DOK5: variants seen among roughly 807,000 people sequenced by gnomAD.
DOK5 encodes docking protein 5, also known as downstream of tyrosine kinase 5.
A neutral mutation model predicts 43.3 loss-of-function variants in DOK5; 27 were observed. The observed-to-expected ratio is 0.62, with a 90% CI of 0.46 to 0.86. The LOEUF is 0.86. Ranked by LOEUF, DOK5 falls within the 40% of genes least tolerant of loss-of-function variation. The pLI, the probability that DOK5 is intolerant of heterozygous loss-of-function variation, is 0.00. For synonymous variants in DOK5, 146 were observed against 140.1 expected (o/e 1.04, Z -0.30); for missense variants, 373 against 392.9 (o/e 0.95, Z 0.43).
intron 1 of DOK5, among the ~76,000 whole-genome samples, chr20:54,481,101 CTATCATCT>C (rs1448300363): frequency 1.4e-5 from 2 of 146,378 alleles, no homozygotes; most frequent in African/African-American, 5.2e-5. Context: ...ATCTATCTAT[CTATCATCT>C]ATCTATCTAT....
intron 5 of DOK5, among the ~76,000 whole-genome samples, chr20:54,595,294 C>T (rs975600522): frequency 1.3e-5 from 2 of 151,924 alleles, no homozygotes; most frequent in African/African-American, 4.8e-5. Context: ...GAGCTGAGAT[C>T]CTGCCACTGC....
chr20:54,573,827 T>G (rs1985371680), intron 2 of DOK5, among the ~76,000 whole-genome samples: 1 of 152,032 alleles, frequency 6.6e-6, no homozygotes, highest in Non-Finnish European at 1.5e-5. Flanking sequence ...TTCCTGAAAG[T>G]TCCAAAGAGC....
intron 5 of DOK5, among the ~76,000 whole-genome samples, chr20:54,593,686 A>T (rs569974636): frequency 1.3e-5 from 2 of 152,236 alleles, no homozygotes; most frequent in African/African-American, 2.4e-5. Flanking sequence ...TTATAAAAAC[A>T]CATGCACATG....
At chr20:54,647,528 A>C (rs991398778) in intron 7 of DOK5, among the ~76,000 whole-genome samples, 3 of 152,004 alleles carry the variant, frequency 2.0e-5, no homozygotes, top group South Asian at 2.1e-4. Context: ...AAAAAACAAA[A>C]AAACTATGGA....
In DOK5 at chr20:54,479,399, G is replaced by A. The variant is rs561381664; in HGVS notation, c.66+3387G>A. Among the ~76,000 whole-genome samples, 3 of 152,250 alleles carry A rather than the reference G, an allele frequency of 2.0e-5. No homozygotes were observed. The East Asian group carries it at 5.8e-4, about 29-fold the overall frequency. On this transcript the variant is annotated intron_variant, in intron 1 of 7. Transcript: ENST00000262593. Reference sequence around the variant, plus strand: ...TTGAGGGGCTGGGGGAAGGAGGGGAGCAGCTGTCCATAATTATTTGAGTAA... The same window carrying A: ...TTGAGGGGCTGGGGGAAGGAGGGGAACAGCTGTCCATAATTATTTGAGTAA...
intron 7 of DOK5, among the ~76,000 whole-genome samples, chr20:54,647,554 C>T (rs1450560457): frequency 6.7e-6 from 1 of 150,162 alleles, no homozygotes; most frequent in African/African-American, 2.5e-5. Flanking sequence ...CTTACAGAAG[C>T]AATCAACAAG....
intron 2 of DOK5, among the ~76,000 whole-genome samples, chr20:54,572,260 A>G (rs1276839563): frequency 1.3e-5 from 2 of 151,442 alleles, no homozygotes; most frequent in South Asian, 2.1e-4. Context: ...TCCCAGGTTC[A>G]TGCCATTCTC....
At chr20:54,574,610 A>G (rs1985396518) in intron 2 of DOK5, among the ~76,000 whole-genome samples, 1 of 152,248 alleles carries the variant, frequency 6.6e-6, no homozygotes, top group Admixed American at 6.5e-5. Flanking sequence ...TAAATTGAAT[A>G]GCAATAGTGA....
At chr20:54,487,668 A>G (rs1210480340) in intron 1 of DOK5, among the ~76,000 whole-genome samples, 1 of 152,166 alleles carries the variant, frequency 6.6e-6, no homozygotes, top group African/African-American at 2.4e-5. Context: ...ATCATTTTAT[A>G]TAAATAACTT....
At chr20:54,560,387 A>T (rs1984859476) in intron 2 of DOK5, among the ~76,000 whole-genome samples, 1 of 152,204 alleles carries the variant, frequency 6.6e-6, no homozygotes, top group East Asian at 1.9e-4. Flanking sequence ...ATCTCCATAA[A>T]TTAAATGATG....
intron 5 of DOK5, among the ~76,000 whole-genome samples, chr20:54,608,675 T>C (rs1009536724): frequency 6.6e-6 from 1 of 151,644 alleles, no homozygotes; most frequent in Non-Finnish European, 1.5e-5. Context: ...TTCTTTTTTT[T>C]TTTTTTTGGT....
intron 1 of DOK5, among the ~76,000 whole-genome samples, chr20:54,527,022 G>C (rs529278826): frequency 6.6e-6 from 1 of 152,166 alleles, no homozygotes; most frequent in Non-Finnish European, 1.5e-5. Flanking sequence ...GGTTTCTGTA[G>C]AGGTCTGATA....
At chr20:54,573,130 A>T (rs1315252617) in intron 2 of DOK5, among the ~76,000 whole-genome samples, 1 of 152,204 alleles carries the variant, frequency 6.6e-6, no homozygotes, top group African/African-American at 2.4e-5. Flanking sequence ...GCAGGAATAG[A>T]GGATAGGAAG....
intron 4 of DOK5, among the ~76,000 whole-genome samples, chr20:54,590,225 A>G: frequency 6.6e-6 from 1 of 152,142 alleles, no homozygotes; most frequent in Non-Finnish European, 1.5e-5. Context: ...GTTAAATGGA[A>G]ATAATAGCTC....
At chr20:54,612,928 A>G (rs1053821724) in intron 6 of DOK5, among the ~76,000 whole-genome samples, 6 of 152,214 alleles carry the variant, frequency 3.9e-5, no homozygotes, top group African/African-American at 1.4e-4. Context: ...CCTTTGTAAA[A>G]TGGGAAGGGT....
At chr20:54,566,144 A>T in intron 2 of DOK5, among the ~76,000 whole-genome samples, 1 of 134,984 alleles carries the variant, frequency 7.4e-6, no homozygotes, top group Non-Finnish European at 1.6e-5. Flanking sequence ...TCCCATTTCT[A>T]CAGTTTTTTT....
intron 2 of DOK5, among the ~76,000 whole-genome samples, chr20:54,568,507 T>C (rs552962429): frequency 3.4e-4 from 52 of 152,362 alleles, no homozygotes; most frequent in African/African-American, 1.2e-3. Flanking sequence ...AGGCAGTCAA[T>C]GCCCAAAAAA....
At chr20:54,585,299 C>T (rs865820954) in intron 2 of DOK5, among the ~76,000 whole-genome samples, 2 of 152,134 alleles carry the variant, frequency 1.3e-5, no homozygotes, top group African/African-American at 2.4e-5. Context: ...ATTTGCTTCT[C>T]CTGAGCGGGG....
intron 6 of DOK5, among the ~76,000 whole-genome samples, chr20:54,621,434 G>A (rs376285022): frequency 2.0e-5 from 3 of 152,336 alleles, no homozygotes; most frequent in South Asian, 2.1e-4. Context: ...GCTCACGCCT[G>A]TAATCCCAGC....
Sources: gnomAD v4.1 joint callset for allele counts (sites outside exome capture counted in the v4.1 genomes callset) on GRCh38, gnomAD v4.1.1 for gene constraint, MANE v1.5 for transcripts, NCBI Gene and HGNC (gene_info 2026-07-23, HGNC 2026-07-21) for gene names.